Variants in PHC3 observed in about 807,000 individuals in gnomAD.
The protein encoded by PHC3 is polyhomeotic homolog 3, also known as polyhomeotic-like protein 3.
PHC3 carries 13 observed loss-of-function variants against 107.4 expected under a neutral mutation model. The ratio of observed to expected loss-of-function variants is 0.12; its 90% CI spans 0.08 to 0.19. The LOEUF is 0.19. Ranked by LOEUF, PHC3 falls within the 10% of genes least tolerant of loss-of-function variation. The pLI, the probability that PHC3 is intolerant of heterozygous loss-of-function variation, is 1.00. For missense variants in PHC3, 992 were observed against 1,210.9 expected (o/e 0.82, Z 2.68); for synonymous variants, 456 against 427.4 (o/e 1.07, Z -0.83).
At chr3:170,126,788 G>A (rs1296261736) in intron 8 of PHC3, among the ~76,000 whole-genome samples, 1 of 151,702 alleles carries the variant, frequency 6.6e-6, no homozygotes, top group Non-Finnish European at 1.5e-5. Context: ...TGATCCACCT[G>A]CCTTGGCCTC....
Position 170,136,412 on chromosome 3 carries a change from A to C in PHC3, c.919+7T>G. ...TACAACTATTTTCAACAAAAGTTTT[A>C]TCCCACCTGGTGCTATTAACTGGTG... is the stretch of plus-strand genomic sequence containing the variant. On this transcript the variant is annotated splice_region_variant and intron_variant, in intron 7 of 14. Transcript: ENST00000495893. 1 of 1,611,588 alleles carries C rather than the reference A, an allele frequency of 6.2e-7. No individual in the cohort carries two copies. Among genetic ancestry groups the C allele is most frequent in the Non-Finnish European group, 8.5e-7 (1 of 1,179,178 alleles).
At chr3:170,127,904 AG>A (rs995736588) in intron 8 of PHC3, among the ~76,000 whole-genome samples, 3 of 152,186 alleles carry the variant, frequency 2.0e-5, no homozygotes, top group African/African-American at 7.2e-5. Context: ...TTGTTTTTAG[AG>A]GTTTATTCTT....
intron 10 of PHC3, 30 bp from the exon 11 acceptor site, chr3:170,113,549 A>C: frequency 6.4e-7 from 1 of 1,568,000 alleles, no homozygotes; most frequent in Non-Finnish European, 8.6e-7. Flanking sequence ...ATAAAATGAA[A>C]CAATCTCCAA....
chr3:170,107,309 G>C lies in PHC3; in HGVS notation c.2354-363C>G, dbSNP rs138132597. ...AGGAGGAACACTTTCAAAAAGCTGA[G>C]GGTGGGATATGAATTTTGATAAATT... On this transcript the variant is annotated intron_variant, in intron 11 of 14. Coordinates refer to ENST00000495893, the MANE Select transcript of PHC3 (RefSeq NM_024947.4). 3.8e-3 allele frequency among the ~76,000 whole-genome samples: 580 copies of C among 152,294 alleles called. 6 individuals carry two copies. Among genetic ancestry groups the C allele is most frequent in the African/African-American group, 0.014 (569 of 41,572 alleles).
Position 170,177,898 on chromosome 3 carries a change from T to A in PHC3, c.180+875A>T, listed in dbSNP as rs577798859. Among the ~76,000 whole-genome samples, 13 of 152,118 alleles carry A rather than the reference T, an allele frequency of 8.5e-5. No individual in the cohort carries two copies. In the East Asian group the frequency reaches 2.5e-3, roughly 29 times the overall value. On this transcript the variant is annotated intron_variant, in intron 2 of 14. Transcript: ENST00000495893. ...GTTGTCCCAGCCAGTCTCCAACTCCTAAGCTCAAGCTATCTCCCTGCCTTG... is the reference window on the plus strand; with the variant it reads ...GTTGTCCCAGCCAGTCTCCAACTCCAAAGCTCAAGCTATCTCCCTGCCTTG...
intron 9 of PHC3, among the ~76,000 whole-genome samples, chr3:170,118,334 C>G (rs1350907030): frequency 1.3e-5 from 2 of 152,190 alleles, no homozygotes; most frequent in Admixed American, 1.3e-4. Flanking sequence ...CAGTCTCAAC[C>G]TCCCAGGCTC....
At chr3:170,172,494 T>C (rs1056672485) in intron 3 of PHC3, 63 bp downstream of exon 3, 5 of 1,533,970 alleles carry the variant, frequency 3.3e-6, no homozygotes, top group Admixed American at 2.1e-5. Flanking sequence ...AATCTATTTA[T>C]TTTCAGTAAC....
intron 5 of PHC3, among the ~76,000 whole-genome samples, chr3:170,146,006 T>C (rs1384210754): frequency 1.3e-5 from 2 of 152,198 alleles, no homozygotes; most frequent in Non-Finnish European, 2.9e-5. Flanking sequence ...TACACTCCAA[T>C]ATTTCACTTA....
chr3:170,173,193 C>CAA (rs571535390), intron 2 of PHC3, among the ~76,000 whole-genome samples: 15 of 117,746 alleles, frequency 1.3e-4, no homozygotes, highest in African/African-American at 3.5e-4. Context: ...ACTCCCATCT[C>CAA]AAAAAAAAAA....
intron 8 of PHC3, among the ~76,000 whole-genome samples, chr3:170,126,816 G>A (rs1349129771): frequency 1.3e-5 from 2 of 151,924 alleles, no homozygotes; most frequent in East Asian, 1.9e-4. Flanking sequence ...GCTGGGATTA[G>A]AGGTGTGAGG....
At chr3:170,111,984 C>T (rs1717874672) in intron 11 of PHC3, among the ~76,000 whole-genome samples, 2 of 152,002 alleles carry the variant, frequency 1.3e-5, no homozygotes, top group South Asian at 4.2e-4. Context: ...TACTACAGGG[C>T]CTTGACTATT....
intron 4 of PHC3, among the ~76,000 whole-genome samples, chr3:170,157,528 A>C (rs1263852799): frequency 1.3e-5 from 2 of 152,256 alleles, no homozygotes; most frequent in Admixed American, 1.3e-4. Context: ...GTTTTGGAAA[A>C]GGCTTCTACA....
intron 4 of PHC3, among the ~76,000 whole-genome samples, chr3:170,158,892 A>C (rs779264982): frequency 6.6e-6 from 1 of 151,160 alleles, no homozygotes; most frequent in Non-Finnish European, 1.5e-5. Flanking sequence ...GCACCACTGC[A>C]CTCCAGCATG....
chr3:170,148,964 GCACA>G (rs1006294315), intron 5 of PHC3, 118 bp downstream of exon 5: 36 of 930,212 alleles, frequency 3.9e-5, no homozygotes, highest in East Asian at 1.6e-4. Flanking sequence ...ACGCCCGCAT[GCACA>G]CACACACAAT....
At chr3:170,151,367 C>A (rs771254308) in intron 4 of PHC3, among the ~76,000 whole-genome samples, 8 of 152,112 alleles carry the variant, frequency 5.3e-5, no homozygotes, top group Admixed American at 6.5e-5. Context: ...ACAAGGCAGA[C>A]TGGACTAATA....
rs769329071 is a variant in PHC3 at position 170,149,260 on chromosome 3, T to C, written c.415-16A>G. ...AGAGGTTGATCTAAGGAAGAAAACATATTAGGTCATAGGCTTCCATTTCTT... is the reference window on the plus strand; with the variant it reads ...AGAGGTTGATCTAAGGAAGAAAACACATTAGGTCATAGGCTTCCATTTCTT... On this transcript the variant is annotated splice_polypyrimidine_tract_variant and intron_variant, in intron 4 of 14. Coordinates refer to ENST00000495893, the MANE Select transcript of PHC3 (RefSeq NM_024947.4). The C allele has an allele frequency of 1.3e-6, 2 of 1,599,626 alleles. No homozygotes were observed. Among genetic ancestry groups the C allele is most frequent in the East Asian group, 2.2e-5 (1 of 44,766 alleles).
chr3:170,113,682 C>G (rs1718308149), intron 10 of PHC3, among the ~76,000 whole-genome samples, 163 bp from the exon 11 acceptor site: 1 of 152,118 alleles, frequency 6.6e-6, no homozygotes, highest in South Asian at 2.1e-4. Flanking sequence ...AAAGATGAGG[C>G]AGAGTGGACA....
intron 1 of PHC3, among the ~76,000 whole-genome samples, chr3:170,180,580 T>C (rs76539868): frequency 6.0e-5 from 9 of 151,182 alleles, no homozygotes; most frequent in East Asian, 1.9e-4. Flanking sequence ...TTTTTTTTTT[T>C]CCAAACTGCC....
At chr3:170,135,237 G>A (rs995675414) in intron 7 of PHC3, among the ~76,000 whole-genome samples, 1 of 152,012 alleles carries the variant, frequency 6.6e-6, no homozygotes, top group African/African-American at 2.4e-5. Flanking sequence ...TGCAACCTCC[G>A]CCTCCTAGGT....
Sources: gnomAD v4.1 joint callset for allele counts (sites outside exome capture counted in the v4.1 genomes callset) on GRCh38, gnomAD v4.1.1 for gene constraint, MANE v1.5 for transcripts, NCBI Gene and HGNC (gene_info 2026-07-23, HGNC 2026-07-21) for gene names.